The following NBPF3 variants were observed in gnomAD, a reference collection of about 807,000 sequenced individuals.
The protein encoded by NBPF3 is NBPF family member NBPF3.
In NBPF3, 57 loss-of-function variants were observed where a neutral mutation model predicts 78.1. That is an observed-to-expected ratio of 0.73 (90% CI 0.59 to 0.91). The LOEUF is 0.91. Ranked by LOEUF, NBPF3 falls within the 40% of genes least tolerant of loss-of-function variation. The pLI is 0.00. For synonymous variants in NBPF3, 182 were observed against 271.7 expected (o/e 0.67, Z 3.25); for missense variants, 510 against 715.3 (o/e 0.71, Z 3.27).
chr1:21,469,939 A>G (rs1391856441), intron 3 of NBPF3, among the ~76,000 whole-genome samples: 2 of 152,218 alleles, frequency 1.3e-5, no homozygotes, highest in Non-Finnish European at 2.9e-5. Context: ...TACTACAGAA[A>G]TACCTACCTC....
chr1:21,457,382 G>GTATATATATGTATGTA (rs1236291449), intron 2 of NBPF3, among the ~76,000 whole-genome samples: 3 of 148,614 alleles, frequency 2.0e-5, no homozygotes, highest in Non-Finnish European at 4.5e-5. Flanking sequence ...ATATATGTAT[G>GTATATATATGTATGTA]TATATATATG....
chr1:21,483,116 C>A, intron 14 of NBPF3, 27 bp from the exon 15 acceptor site: 1 of 1,612,490 alleles, frequency 6.2e-7, no homozygotes, highest in Non-Finnish European at 8.5e-7. Context: ...TCCCTGGCTG[C>A]TTCTTTAGTT....
intron 2 of NBPF3, chr1:21,466,870 T>G: frequency 2.1e-6 from 1 of 475,780 alleles, no homozygotes; most frequent in South Asian, 8.9e-5. Flanking sequence ...AAGCACAGTT[T>G]TGAGCAAAAT....
chr1:21,467,370 C>T (rs112012749), intron 2 of NBPF3: 46,700 of 979,694 alleles, frequency 0.048, 334 homozygotes, highest in African/African-American at 0.094. Context: ...AAGTTCCAGG[C>T]TCACAAAACC....
At chr1:21,473,746 C>A (rs1440829545) in intron 7 of NBPF3, among the ~76,000 whole-genome samples, 161 bp downstream of exon 7, 2 of 152,188 alleles carry the variant, frequency 1.3e-5, no homozygotes, top group Non-Finnish European at 2.9e-5. Context: ...TCATGTCATG[C>A]CTTTGTCTCA....
chr1:21,475,792 T>G (rs1449536701), intron 8 of NBPF3, among the ~76,000 whole-genome samples: 4 of 152,192 alleles, frequency 2.6e-5, no homozygotes, highest in Non-Finnish European at 5.9e-5. Context: ...TTAGGTCTGC[T>G]TGGTGCAGAG....
At chr1:21,445,958 C>A in intron 2 of NBPF3, 1 of 152,594 alleles carries the variant, frequency 6.6e-6, no homozygotes, top group Non-Finnish European at 1.5e-5. Context: ...CCCCACGGAA[C>A]CCACCACTGC....
intron 2 of NBPF3, among the ~76,000 whole-genome samples, chr1:21,457,108 A>G (rs1641642261): frequency 6.6e-6 from 1 of 152,134 alleles, no homozygotes; most frequent in African/African-American, 2.4e-5. Flanking sequence ...TTTCATTTCA[A>G]GTAACTTCTA....
At chr1:21,454,073 G>T (rs576320972) in intron 2 of NBPF3, 37 of 152,336 alleles carry the variant, frequency 2.4e-4, no homozygotes, top group African/African-American at 8.4e-4. Context: ...CGAATCAGCA[G>T]CCCCAGCTGC....
chr1:21,471,479 G>A lies in NBPF3; in HGVS notation c.447-90G>A, dbSNP rs190555489. Reference sequence around the variant, plus strand: ...CCTTCTGCTTGGAGGTCTCCTTGAGGACATTGTCTCAGAAATCTGTGTTGC... The same window carrying A: ...CCTTCTGCTTGGAGGTCTCCTTGAGAACATTGTCTCAGAAATCTGTGTTGC... On this transcript the variant is annotated intron_variant, in intron 4 of 14. Transcript: ENST00000318249. 1.9e-6 allele frequency: 3 copies of A among 1,594,492 alleles called. No individual in the cohort carries two copies. The Admixed American group carries it at 5.0e-5, about 27-fold the overall frequency.
chr1:21,457,580 T>G (rs1641701981), intron 2 of NBPF3, among the ~76,000 whole-genome samples: 1 of 152,060 alleles, frequency 6.6e-6, no homozygotes. Context: ...TACAACTTGA[T>G]AGCAGTACAT....
At chr1:21,456,654 TC>T in intron 2 of NBPF3, among the ~76,000 whole-genome samples, 1 of 152,184 alleles carries the variant, frequency 6.6e-6, no homozygotes, top group Non-Finnish European at 1.5e-5. Context: ...GAAAAATTTT[TC>T]ATGATTTATA....
chr1:21,437,423 G>C, upstream of NBPF3: 2 of 1,252,832 alleles, frequency 1.6e-6, no homozygotes, highest in Admixed American at 2.3e-5. Context: ...CGTAGGCCTA[G>C]AGGAACAGAT....
intron 7 of NBPF3, 152 bp from the exon 8 acceptor site, chr1:21,474,748 A>G (rs1471030683): frequency 4.3e-6 from 3 of 703,626 alleles, no homozygotes; most frequent in Non-Finnish European, 2.4e-6. Context: ...TTCTCACCAG[A>G]GTTAATCTAG....
At chr1:21,458,505 C>A (rs1253551512) in intron 2 of NBPF3, among the ~76,000 whole-genome samples, 1 of 151,834 alleles carries the variant, frequency 6.6e-6, no homozygotes, top group Non-Finnish European at 1.5e-5. Flanking sequence ...ATAGCCCAAA[C>A]GTGGAATGAT....
intron 2 of NBPF3, among the ~76,000 whole-genome samples, chr1:21,465,903 G>A (rs1393268930): frequency 2.6e-5 from 4 of 152,212 alleles, no homozygotes; most frequent in African/African-American, 4.8e-5. Flanking sequence ...CAGGACAGTT[G>A]TGTTCACTAG....
At position 21,468,528 on chromosome 1, in the gene NBPF3, T is replaced by C. The variant is rs114745226; in HGVS notation, c.134-160T>C. 2.8e-3 allele frequency: 4,181 copies of C among 1,492,546 alleles called. 89 individuals are homozygous for C. In the African/African-American group the frequency reaches 0.046, roughly 17 times the overall value. 92.5% of individuals were successfully genotyped at this position (1,492,546 alleles called of 1,614,324 possible). A position where few individuals can be genotyped will look rare whatever the true frequency, so the allele number is the denominator to read the frequency against. ...CTCTGAGCTCAGGCACCTCGAACAT[T>C]GTTTTTGTCGTTAAGGATCCTAAAG... On this transcript the variant is annotated intron_variant, in intron 2 of 14. Coordinates refer to ENST00000318249, the MANE Select transcript of NBPF3 (RefSeq NM_032264.6).
At chr1:21,471,228 T>C (rs757863757) in intron 4 of NBPF3, among the ~76,000 whole-genome samples, 1 of 152,164 alleles carries the variant, frequency 6.6e-6, no homozygotes, top group Non-Finnish European at 1.5e-5. Context: ...CAAGATGCAC[T>C]ATGTGTATAT....
At chr1:21,438,647 G>A (rs1007983008), upstream of NBPF3, among the ~76,000 whole-genome samples, 5 of 152,250 alleles carry the variant, frequency 3.3e-5, no homozygotes, top group Admixed American at 6.5e-5. Context: ...GCAGTCCATG[G>A]ATATTTAATC....
Sources: gnomAD v4.1 joint callset for allele counts (sites outside exome capture counted in the v4.1 genomes callset) on GRCh38, gnomAD v4.1.1 for gene constraint, MANE v1.5 for transcripts, NCBI Gene and HGNC (gene_info 2026-07-23, HGNC 2026-07-21) for gene names.